Variants in NEIL1 observed in about 807,000 individuals in gnomAD.
NEIL1 encodes nei like DNA glycosylase 1.
Under a neutral mutation model 44.2 loss-of-function variants are expected in NEIL1, and 31 were observed. That is an observed-to-expected ratio of 0.70 (90% CI 0.53 to 0.95). NEIL1 has a LOEUF of 0.95. Among genes scored for constraint, NEIL1 ranks in the 40% least tolerant of loss-of-function variants. The pLI is 0.00. For synonymous variants in NEIL1, 254 were observed against 209.7 expected (o/e 1.21, Z -1.83); for missense variants, 549 against 515.5 (o/e 1.07, Z -0.63).
chr15:75,349,122 C>T lies in NEIL1; in HGVS notation c.217C>T (p.Leu73=). ...TGGGGCCCAGCCCCAACAGGAGCCA[C>T]TGGCCCTGGTCTTCCGCTTCGGCAT... The part of the protein sequence containing the change: ...LPGAQPQQEP[L]ALVFRFGMSG... Residue 73 remains leucine (L), a synonymous_variant, in exon 2 of 10, where the codon CTG becomes TTG. Coordinates refer to ENST00000355059, the MANE Select transcript of NEIL1 (RefSeq NM_024608.4). 6.2e-7 allele frequency: 1 copy of T among 1,611,624 alleles called. No homozygotes were observed. The highest frequency in any genetic ancestry group is 8.5e-7 in the Non-Finnish European group (1 of 1,179,950).
rs1304516500 is a variant in NEIL1 at position 75,356,716 on chromosome 15, C to G, written c.*1682C>G. ...GTGAGGAGGGCGCGTAGGGGCCACG[C>G]TGAAGCTGTTGGAGTTGTGGTCGGG... On this transcript the variant is annotated 3_prime_UTR_variant, in exon 10 of 10. Transcript: ENST00000355059. The surrounding 1 kb of genome is among the most constrained non-coding windows in gnomAD (Gnocchi z 5.8). 6.2e-7 allele frequency: 1 copy of G among 1,611,800 alleles called. No individual in the cohort carries two copies. The highest frequency in any genetic ancestry group is 8.5e-7 in the Non-Finnish European group (1 of 1,178,988).
In NEIL1 at chr15:75,355,811, T is replaced by G; in HGVS notation, c.*777T>G. The G allele has an allele frequency of 1.4e-6, 2 of 1,477,098 alleles. No individual in the cohort carries two copies. The highest frequency in any genetic ancestry group is 9.3e-7 in the Non-Finnish European group (1 of 1,078,950). 91.5% of individuals were successfully genotyped at this position (1,477,098 alleles called of 1,614,324 possible). A position where few individuals can be genotyped will look rare whatever the true frequency, so the allele number is the denominator to read the frequency against. On this transcript the variant is annotated 3_prime_UTR_variant, in exon 10 of 10. Transcript: ENST00000355059. ...GCAGGGTTCCCGATCCAAGGATTTA[T>G]TCCACAAGAAAAGACTGATCCCTGC... is the stretch of plus-strand genomic sequence containing the variant.
Position 75,352,132 on chromosome 15 carries a change from A to C in NEIL1, c.456A>C (p.Leu152=), listed in dbSNP as rs756483584. The C allele has an allele frequency of 6.2e-7, 1 of 1,614,176 alleles. No homozygotes were observed. Among genetic ancestry groups the C allele is most frequent in the Non-Finnish European group, 8.5e-7 (1 of 1,180,026 alleles). The stretch of plus-strand genomic sequence containing the variant: ...CCAGGGAGAATGTGCTACGAAACCT[A>C]GCGGATAAGGCCTTTGACCGGCCCA... ...QQFRENVLRN[L]ADKAFDRPIC... The change falls in exon 3 of 10, where the codon CTA becomes CTC. Residue 152 remains leucine, a synonymous_variant. Coordinates refer to ENST00000355059, the MANE Select transcript of NEIL1 (RefSeq NM_024608.4).
rs755972444 is a variant in NEIL1, at chr15:75,353,800, G to A, written c.780G>A (p.Leu260=). The stretch of plus-strand genomic sequence containing the variant: ...ACTTTGCTGCCTTTCGAGCCTGGCT[G>A]CGCTGCTATGGCATGCCAGGCATGA... The part of the protein sequence containing the change: ...EEDFAAFRAW[L]RCYGMPGMSS... Residue 260 remains leucine (L), a synonymous_variant, in exon 6 of 10, where the codon CTG becomes CTA. Transcript: ENST00000355059. 6 of 1,613,958 alleles carry A rather than the reference G, an allele frequency of 3.7e-6. No individual in the cohort carries two copies. In the South Asian group the frequency reaches 6.6e-5, roughly 18 times the overall value.
At position 75,355,943 on chromosome 15, in the gene NEIL1, A is replaced by G. The variant is rs755102911; in HGVS notation, c.*909A>G. The G allele has an allele frequency of 3.1e-6, 5 of 1,614,106 alleles. No individual in the cohort carries two copies. The highest frequency in any genetic ancestry group is 4.2e-6 in the Non-Finnish European group (5 of 1,180,042). Reference sequence around the variant, plus strand: ...AGGCTGAAGCACGAGCAACAGGGACAGCACTTGGAAGGGAGAAAAGGTGAG... The same window carrying G: ...AGGCTGAAGCACGAGCAACAGGGACGGCACTTGGAAGGGAGAAAAGGTGAG... On this transcript the variant is annotated 3_prime_UTR_variant, in exon 10 of 10. Coordinates refer to ENST00000355059, the MANE Select transcript of NEIL1 (RefSeq NM_024608.4).
At chr15:75,348,752 C>T (rs1417528680) in intron 1 of NEIL1, 132 bp from the exon 2 acceptor site, 28 of 1,454,358 alleles carry the variant, frequency 1.9e-5, no homozygotes, top group Admixed American at 1.8e-4. Context: ...TGGCCAGGCC[C>T]GCACTTTCCT....
In NEIL1 at chr15:75,354,577, G is replaced by A. The variant is rs1187390891; in HGVS notation, c.937-76G>A. The A allele has an allele frequency of 1.3e-5, 21 of 1,611,314 alleles. No homozygotes were observed. The Middle Eastern group carries it at 5.0e-4, about 38-fold the overall frequency. On this transcript the variant is annotated intron_variant, in intron 8 of 9. Transcript: ENST00000355059. ...GGCAGCTGCCTTACCCTAAGAGGGC[G>A]GGGGGAGTGGTGGGCCCTAACCAAC...
intron 1 of NEIL1, chr15:75,347,802 G>A: frequency 7.1e-6 from 8 of 1,132,848 alleles, no homozygotes; most frequent in South Asian, 1.7e-5. Flanking sequence ...TGGGGAGGAC[G>A]GGCCCGAGAG....
chr15:75,356,920 G>A lies in NEIL1; in HGVS notation c.*1886G>A. On this transcript the variant is annotated 3_prime_UTR_variant, in exon 10 of 10. Transcript: ENST00000355059. This position sits in a 1 kb window ranked among gnomAD's most constrained non-coding sequence, Gnocchi z 5.8. ...GCCCACACCTGGAGGGCAGATCCAA[G>A]ACCCACTTGGTGGCCCTGTGCCCCT... The A allele has an allele frequency of 1.2e-6, 2 of 1,606,998 alleles. No individual in the cohort carries two copies. Among genetic ancestry groups the A allele is most frequent in the Non-Finnish European group, 1.7e-6 (2 of 1,173,868 alleles).
At position 75,348,998 on chromosome 15, in the gene NEIL1, T is replaced by C. The variant is rs2071662663; in HGVS notation, c.93T>C (p.Ser31=). Reference sequence around the variant, plus strand: ...TCGGCGGCTGCGTGGAGAAGTCCTCTGTCAGCCGCAACCCTGAGGTGCCCT... The same window carrying C: ...TCGGCGGCTGCGTGGAGAAGTCCTCCGTCAGCCGCAACCCTGAGGTGCCCT... ...LVFGGCVEKS[S]VSRNPEVPFE... The change falls in exon 2 of 10, where the codon TCT becomes TCC. Residue 31 remains serine (S), a synonymous_variant. Coordinates refer to ENST00000355059, the MANE Select transcript of NEIL1 (RefSeq NM_024608.4). 1 of 1,613,770 alleles carries C rather than the reference T, an allele frequency of 6.2e-7. No individual in the cohort carries two copies. The highest frequency in any genetic ancestry group is 8.5e-7 in the Non-Finnish European group (1 of 1,180,036).
Position 75,349,440 on chromosome 15 carries a change from G to C in NEIL1, c.434+101G>C, listed in dbSNP as rs562408930. ...AAGGGGCGAGTCCCTGCCCCTTCTG[G>C]GCCTCAGTTCTCTCATCTGCAGATC... On this transcript the variant is annotated intron_variant, in intron 2 of 9. Transcript: ENST00000355059. 14 of 1,164,324 alleles carry C rather than the reference G, an allele frequency of 1.2e-5. No individual in the cohort carries two copies. In the East Asian group the frequency reaches 3.2e-4, roughly 26 times the overall value. 72.1% of individuals were successfully genotyped at this position (1,164,324 alleles called of 1,614,324 possible).
intron 1 of NEIL1, chr15:75,348,362 A>G: frequency 1.0e-6 from 1 of 987,168 alleles, no homozygotes. Context: ...GGCGGGTCCT[A>G]AGTGTGGGGG....
intron 5 of NEIL1, chr15:75,353,392 T>A (rs1343168903): frequency 1.2e-5 from 4 of 339,954 alleles, no homozygotes; most frequent in Admixed American, 7.6e-5. Flanking sequence ...GGGCTAATTG[T>A]TAAAAATTTT....
Position 75,356,891 on chromosome 15 carries a change from A to G in NEIL1, c.*1857A>G. 6.2e-7 allele frequency: 1 copy of G among 1,613,978 alleles called. No homozygotes were observed. Among genetic ancestry groups the G allele is most frequent in the Non-Finnish European group, 8.5e-7 (1 of 1,179,966 alleles). ...CGTGTTCTGACAGATCCATCCAGCG[A>G]TGGGCCCACACCTGGAGGGCAGATC... On this transcript the variant is annotated 3_prime_UTR_variant, in exon 10 of 10. Transcript: ENST00000355059. This position sits in a 1 kb window ranked among gnomAD's most constrained non-coding sequence, Gnocchi z 5.8.
rs367991477 is a variant in NEIL1 at position 75,352,134 on chromosome 15, C to T, written c.458C>T (p.Ala153Val). 7.4e-6 allele frequency: 12 copies of T among 1,614,042 alleles called. No individual in the cohort carries two copies. Among genetic ancestry groups the T allele is most frequent in the Admixed American group, 1.7e-5 (1 of 60,002 alleles). The part of the protein sequence containing the change: ...QFRENVLRNL[A>V]DKAFDRPICE... ...AGGGAGAATGTGCTACGAAACCTAG[C>T]GGATAAGGCCTTTGACCGGCCCATC... The change falls in exon 3 of 10, where the codon GCG becomes GTG. Residue 153 changes from alanine to valine, a missense_variant. Transcript: ENST00000355059.
intron 5 of NEIL1, chr15:75,353,374 A>G (rs1467270639): frequency 3.0e-6 from 1 of 335,856 alleles, no homozygotes; most frequent in African/African-American, 2.2e-5. Context: ...GGCTCACACC[A>G]CCACACCGGG....
rs1030370401 is a variant in NEIL1, at chr15:75,349,412, A to T, written c.434+73A>T. On this transcript the variant is annotated intron_variant, in intron 2 of 9. Transcript: ENST00000355059. ...TGACTCTCTTAGTGCCTTCTTGGCC[A>T]ACAAGGGGCGAGTCCCTGCCCCTTC... 55 of 1,426,946 alleles carry T rather than the reference A, an allele frequency of 3.9e-5. 1 individual carries two copies. The Middle Eastern group carries it at 5.5e-4, about 14-fold the overall frequency. The allele number at this position is 1,426,946 out of a possible 1,614,324, so 88.4% of individuals were successfully genotyped here.
rs529084150 is a variant in NEIL1, at chr15:75,354,741, G to T, written c.1025G>T (p.Gly342Val). The T allele has an allele frequency of 1.2e-5, 19 of 1,614,164 alleles. 1 individual carries two copies. The South Asian group carries it at 1.8e-4, about 15-fold the overall frequency. The stretch of plus-strand genomic sequence containing the variant: ...AGGACTGCAACCCAGCGGCCTGAGG[G>T]GACCAGCCTCCAGCAGGACCCAGAA... ...PKRTATQRPEGTSLQQDPEAP... is the reference protein window; with the variant it reads ...PKRTATQRPEVTSLQQDPEAP... The change falls in exon 9 of 10, where the codon GGG (glycine) becomes GTG (valine). Residue 342 changes from glycine to valine, a missense_variant. Coordinates refer to ENST00000355059, the MANE Select transcript of NEIL1 (RefSeq NM_024608.4).
chr15:75,352,333 C>A lies in NEIL1; in HGVS notation c.564C>A (p.Ile188=), dbSNP rs1465954923. ...LRAEILYRLK[I]PPFEKARSVL... ...CTTGCCCCCACTACAGGCTGAAGAT[C>A]CCCCCCTTTGAGAAGGCCCGCTCGG... The change falls in exon 4 of 10, where the codon ATC becomes ATA. Residue 188 remains isoleucine, a synonymous_variant. Transcript: ENST00000355059. 2.5e-6 allele frequency: 4 copies of A among 1,613,780 alleles called. No individual in the cohort carries two copies. Among genetic ancestry groups the A allele is most frequent in the Admixed American group, 3.3e-5 (2 of 59,998 alleles).
Sources: allele counts gnomAD v4.1 joint callset, GRCh38; gene constraint gnomAD v4.1.1; non-coding constraint Gnocchi (gnomAD v3.1); transcripts MANE v1.5; gene names NCBI Gene and HGNC (gene_info 2026-07-23, HGNC 2026-07-21).